Variants in SH3RF1 observed in about 807,000 individuals in gnomAD.
SH3RF1 encodes SH3 domain containing ring finger 1, also known as E3 ubiquitin-protein ligase SH3RF1.
A neutral mutation model predicts 74.0 loss-of-function variants in SH3RF1; 32 were observed. That is an observed-to-expected ratio of 0.43 (90% confidence interval 0.33 to 0.58). The LOEUF (loss-of-function observed/expected upper bound fraction) is 0.58, where lower values mean the gene tolerates loss of function less well. Ranked by LOEUF, SH3RF1 falls within the 20% of genes least tolerant of loss-of-function variation. The pLI, the probability that SH3RF1 is intolerant of heterozygous loss-of-function variation, is 0.05. For synonymous variants in SH3RF1, 396 were observed against 439.6 expected, an observed-to-expected ratio of 0.90 and a Z score of 1.24; for missense variants, 954 against 1,130.9, an observed-to-expected ratio of 0.84 and a Z score of 2.24.
intron 2 of SH3RF1, among the ~76,000 whole-genome samples, chr4:169,247,965 G>A (rs568047038): frequency 9.9e-5 from 15 of 152,270 alleles, no homozygotes; most frequent in East Asian, 3.9e-4. Context: ...TTAGAATGGC[G>A]ATCATTAAAA....
intron 2 of SH3RF1, among the ~76,000 whole-genome samples, chr4:169,222,341 T>A (rs1476705300): frequency 6.6e-6 from 1 of 152,080 alleles, no homozygotes; most frequent in Non-Finnish European, 1.5e-5. Context: ...AGCAGACACC[T>A]GTAGTCACAG....
intron 4 of SH3RF1, among the ~76,000 whole-genome samples, chr4:169,139,139 C>T (rs957141789): frequency 1.3e-5 from 2 of 152,144 alleles, no homozygotes; most frequent in African/African-American, 4.8e-5. Flanking sequence ...AATGAGGTCT[C>T]ATTATGATAT....
intron 2 of SH3RF1, among the ~76,000 whole-genome samples, chr4:169,175,305 C>T (rs1734401452): frequency 6.6e-6 from 1 of 152,180 alleles, no homozygotes; most frequent in South Asian, 2.1e-4. Context: ...CTCAGAACGG[C>T]TTTCCCTCCC....
intron 2 of SH3RF1, among the ~76,000 whole-genome samples, chr4:169,176,213 C>G (rs1734418667): frequency 6.6e-6 from 1 of 152,138 alleles, no homozygotes; most frequent in South Asian, 2.1e-4. Context: ...AGCCCAAGAT[C>G]CCTAAGACAT....
chr4:169,204,869 T>C (rs981196248), intron 2 of SH3RF1, among the ~76,000 whole-genome samples: 2 of 151,986 alleles, frequency 1.3e-5, no homozygotes, highest in African/African-American at 2.4e-5. Flanking sequence ...TTTTGAAGAG[T>C]CTGAGCTCAT....
chr4:169,268,608 A>G (rs947399771), intron 2 of SH3RF1, among the ~76,000 whole-genome samples: 1 of 152,258 alleles, frequency 6.6e-6, no homozygotes, highest in African/African-American at 2.4e-5. Flanking sequence ...GAGACTATCT[A>G]GAGATAATTT....
intron 2 of SH3RF1, among the ~76,000 whole-genome samples, chr4:169,248,435 A>G (rs550118797): frequency 6.6e-6 from 1 of 152,294 alleles, no homozygotes; most frequent in East Asian, 1.9e-4. Context: ...GGAGTCGAAT[A>G]ATGAAAACAC....
intron 2 of SH3RF1, among the ~76,000 whole-genome samples, chr4:169,266,661 T>C (rs2110764898): frequency 6.6e-6 from 1 of 151,656 alleles, no homozygotes; most frequent in Non-Finnish European, 1.5e-5. Context: ...GGAGGGGTCT[T>C]GCTATGTTGT....
chr4:169,115,744 T>C (rs1733322036), intron 10 of SH3RF1, among the ~76,000 whole-genome samples: 2 of 152,194 alleles, frequency 1.3e-5, no homozygotes, highest in Admixed American at 1.3e-4. Flanking sequence ...ACGAAACTGG[T>C]CCATGGTGCC....
At chr4:169,220,178 T>A (rs1019801119) in intron 2 of SH3RF1, 2 of 152,264 alleles carry the variant, frequency 1.3e-5, no homozygotes, top group Non-Finnish European at 2.9e-5. Context: ...AGTTTTGTTA[T>A]AAAATGTGCA....
intron 2 of SH3RF1, among the ~76,000 whole-genome samples, chr4:169,262,613 G>C (rs1021025228): frequency 6.6e-6 from 1 of 152,174 alleles, no homozygotes; most frequent in Non-Finnish European, 1.5e-5. Context: ...GTTGCAGTGA[G>C]CTGAGATCTC....
At chr4:169,223,491 G>A (rs578173504) in intron 2 of SH3RF1, among the ~76,000 whole-genome samples, 58 of 152,254 alleles carry the variant, frequency 3.8e-4, no homozygotes, top group Admixed American at 3.8e-3. Flanking sequence ...AGGCAGGCAG[G>A]GAAGAGACAT....
Position 169,130,062 on chromosome 4 carries a change from T to A in SH3RF1, c.1163A>T (p.Tyr388Phe). The A allele has an allele frequency of 6.2e-7, 1 of 1,613,418 alleles. No individual in the cohort carries two copies. The highest frequency in any genetic ancestry group is 8.5e-7 in the Non-Finnish European group (1 of 1,179,768). ...PSFTFPSDVP[Y>F]QAALGTLNPP... is the part of the protein sequence containing the mutation. ...TATACTCACTCCAAGGGCAGCTTGG[T>A]AGGGAACATCTGATGGGAAAGTAAA... The change falls in exon 6 of 12, where the codon TAC becomes TTC. Residue 388 changes from tyrosine to phenylalanine, a missense_variant. By Grantham distance (22) the Tyr-to-Phe change is conservative. Transcript: ENST00000284637.
chr4:169,192,644 C>T (rs372739765), intron 2 of SH3RF1, among the ~76,000 whole-genome samples: 14 of 151,708 alleles, frequency 9.2e-5, no homozygotes, highest in Non-Finnish European at 2.1e-4. Flanking sequence ...GGGTATCTAC[C>T]CAAAGGAAAA....
intron 11 of SH3RF1, among the ~76,000 whole-genome samples, chr4:169,102,915 C>CTTTTTTTTTTTTTTTTTTTTTTTTTTTT (rs66574732): frequency 1.5e-5 from 1 of 66,876 alleles, no homozygotes; most frequent in Non-Finnish European, 2.5e-5. Context: ...CAGTCACATT[C>CTTTTTTTTTTTTTTTTTTTTTTTTTTTT]TTTTTTTTTT....
intron 6 of SH3RF1, among the ~76,000 whole-genome samples, chr4:169,126,877 C>T (rs1733533958): frequency 6.6e-6 from 1 of 152,224 alleles, no homozygotes; most frequent in Non-Finnish European, 1.5e-5. Context: ...AGGCATGGGC[C>T]ATCACACCCA....
intron 2 of SH3RF1, among the ~76,000 whole-genome samples, chr4:169,222,058 T>C (rs1730574790): frequency 6.6e-6 from 1 of 152,224 alleles, no homozygotes; most frequent in Non-Finnish European, 1.5e-5. Flanking sequence ...AATAATAATA[T>C]ACATTCAAAC....
chr4:169,227,951 G>A (rs774855825), intron 2 of SH3RF1, among the ~76,000 whole-genome samples: 35 of 152,326 alleles, frequency 2.3e-4, no homozygotes, highest in Non-Finnish European at 4.0e-4. Flanking sequence ...TCACAGTCAT[G>A]AAGTGATTCA....
At chr4:169,265,025 C>A (rs1731330776) in intron 2 of SH3RF1, among the ~76,000 whole-genome samples, 1 of 152,220 alleles carries the variant, frequency 6.6e-6, no homozygotes, top group African/African-American at 2.4e-5. Flanking sequence ...ATCACACACA[C>A]AATTCACCCT....
Sources: allele counts gnomAD v4.1 joint callset (sites outside exome capture counted in the v4.1 genomes callset), GRCh38; gene constraint gnomAD v4.1.1; transcripts MANE v1.5; gene names NCBI Gene and HGNC (gene_info 2026-07-23, HGNC 2026-07-21).